The following THBS4 variants were observed in gnomAD, a reference collection of about 807,000 sequenced individuals.
THBS4 encodes the protein thrombospondin-4.
Under a neutral mutation model 115.7 loss-of-function variants are expected in THBS4, and 90 were observed. The observed-to-expected ratio is 0.78, with a 90% CI of 0.66 to 0.93. The LOEUF (loss-of-function observed/expected upper bound fraction) is 0.93, where lower values mean the gene tolerates loss of function less well. Among genes scored for constraint, THBS4 ranks in the 40% least tolerant of loss-of-function variants. THBS4 has a pLI of 0.00. For synonymous variants in THBS4, 460 were observed against 479.3 expected (o/e 0.96, Z 0.53); for missense variants, 1,087 against 1,232.7 (o/e 0.88, Z 1.77).
intron 2 of THBS4, among the ~76,000 whole-genome samples, chr5:80,026,880 AT>A (rs1301532103): frequency 1.3e-5 from 2 of 152,036 alleles, no homozygotes; most frequent in Admixed American, 6.5e-5. Context: ...TAAGACTTTA[AT>A]TTTTTTCCCC....
At position 80,080,073 on chromosome 5, in the gene THBS4, A is replaced by C. The variant is rs776949685; in HGVS notation, c.2680A>C (p.Ile894Leu). ...FLQHRPQVGY[I>L]RVRFYEGSEL... ...ACAGCACAGGCCCCAGGTGGGCTAC[A>C]TCAGGTAGGTAGAGGCCCCATCTCC... The change falls in exon 20 of 22, where the codon ATC becomes CTC. Residue 894 changes from isoleucine (I) to leucine (L), a missense_variant. Ile to Leu is a conservative substitution (Grantham distance 5, BLOSUM62 2). Around this residue, in one of 3 missense-constraint regions of THBS4, gnomAD observed 103 missense variants for 108.2 expected, o/e 0.95. Transcript: ENST00000350881. The C allele has an allele frequency of 4.3e-6, 7 of 1,613,622 alleles. No homozygotes were observed. Among genetic ancestry groups the C allele is most frequent in the Non-Finnish European group, 5.9e-6 (7 of 1,179,784 alleles).
At chr5:80,026,270 C>T (rs1002058667) in intron 2 of THBS4, among the ~76,000 whole-genome samples, 12 of 152,058 alleles carry the variant, frequency 7.9e-5, no homozygotes, top group African/African-American at 1.9e-4. Context: ...TTTTCGTTTG[C>T]GGTACTAGGA....
intron 19 of THBS4, 71 bp from the exon 20 acceptor site, chr5:80,079,834 C>T: frequency 6.1e-6 from 9 of 1,483,296 alleles, no homozygotes; most frequent in Non-Finnish European, 8.4e-6. Context: ...TGGATCATCA[C>T]TTCAGATCCA....
rs146453124 is a variant in THBS4, at chr5:80,068,085, C to T, written c.1307C>T (p.Ala436Val). ...NPELNPCSVNAQCIEERQGDV... is the reference protein window; with the variant it reads ...NPELNPCSVNVQCIEERQGDV... ...GAGCTGAACCCTTGCAGTGTGAATG[C>T]CCAGTGCATTGAAGAGAGGCAGGGG... Residue 436 changes from alanine to valine, a missense_variant, in exon 10 of 22, where the codon GCC becomes GTC. Transcript: ENST00000350881. 5.0e-6 allele frequency: 8 copies of T among 1,614,040 alleles called. No homozygotes were observed. The highest frequency in any genetic ancestry group is 4.4e-5 in the South Asian group (4 of 91,086).
chr5:80,012,325 G>A (rs1316673567), intron 2 of THBS4, among the ~76,000 whole-genome samples: 2 of 152,090 alleles, frequency 1.3e-5, no homozygotes, highest in Non-Finnish European at 2.9e-5. Context: ...TAGCCTGTGA[G>A]GAAACTTGGT....
Position 80,082,393 on chromosome 5 carries a change from G to T in THBS4, c.2685-13G>T. Reference sequence around the variant, plus strand: ...GGATTTCATGGAGGCCCCTCCGGCCGTGTTGTCCGCAGGGTACGATTTTAT... The same window carrying T: ...GGATTTCATGGAGGCCCCTCCGGCCTTGTTGTCCGCAGGGTACGATTTTAT... On this transcript the variant is annotated splice_polypyrimidine_tract_variant and intron_variant, in intron 20 of 21. Coordinates refer to ENST00000350881, the MANE Select transcript of THBS4 (RefSeq NM_003248.6). 1 of 1,612,842 alleles carries T rather than the reference G, an allele frequency of 6.2e-7. No individual in the cohort carries two copies. Among genetic ancestry groups the T allele is most frequent in the Non-Finnish European group, 8.5e-7 (1 of 1,179,166 alleles).
intron 9 of THBS4, chr5:80,067,545 A>G (rs1343869771): frequency 6.5e-6 from 1 of 153,232 alleles, no homozygotes; most frequent in Non-Finnish European, 1.5e-5. Context: ...TTCCTTTGTC[A>G]TTCCATTGTA....
rs1317687598 is a variant in THBS4, at chr5:80,076,861, A to C, written c.1899A>C (p.Gly633=). 6.3e-7 allele frequency: 1 copy of C among 1,581,644 alleles called. No individual in the cohort carries two copies. Among genetic ancestry groups the C allele is most frequent in the Non-Finnish European group, 8.6e-7 (1 of 1,162,854 alleles). The stretch of plus-strand genomic sequence containing the variant: ...CCTGTCCTTTCTCCTGCAGTGATGG[A>C]GATGGGCACCAGGACAGCACAGACA... ...DSCDTNQDSD[G]DGHQDSTDNC... is the part of the protein sequence containing the mutation. The change falls in exon 16 of 22, where the codon GGA becomes GGC. Residue 633 remains glycine (G), a synonymous_variant. Coordinates refer to ENST00000350881, the MANE Select transcript of THBS4 (RefSeq NM_003248.6).
At chr5:80,078,491 C>A (rs1320039264) in intron 17 of THBS4, among the ~76,000 whole-genome samples, 1 of 152,186 alleles carries the variant, frequency 6.6e-6, no homozygotes, top group Non-Finnish European at 1.5e-5. Flanking sequence ...AATTGGGACC[C>A]AGGCAGTCTG....
intron 2 of THBS4, among the ~76,000 whole-genome samples, chr5:80,029,240 C>T (rs918906849): frequency 1.3e-5 from 2 of 152,146 alleles, no homozygotes; most frequent in African/African-American, 2.4e-5. Flanking sequence ...ATCATATTTT[C>T]TTAGCAAATA....
chr5:80,072,254 C>A, intron 13 of THBS4, 24 bp from the exon 14 acceptor site: 1 of 1,603,994 alleles, frequency 6.2e-7, no homozygotes, highest in South Asian at 1.1e-5. Context: ...TCCCCTGACT[C>A]AAGGTAGCAT....
chr5:80,074,242 T>A (rs1743074972), intron 15 of THBS4: 1 of 152,254 alleles, frequency 6.6e-6, no homozygotes, highest in African/African-American at 2.4e-5. Flanking sequence ...GAAATTTTTT[T>A]AATTCAGTTT....
intron 20 of THBS4, among the ~76,000 whole-genome samples, chr5:80,081,844 G>A (rs1451168625): frequency 6.6e-6 from 1 of 152,122 alleles, no homozygotes; most frequent in Non-Finnish European, 1.5e-5. Flanking sequence ...GGCATTGCTC[G>A]CCATCCAGCA....
rs758548190 is a variant in THBS4, at chr5:80,072,319, C to T, written c.1762C>T (p.Arg588Cys). ...GGACAACTGCCCAAAATTTCCCAAT[C>T]GTGACCAACGGGACAAGGATGGTGA... The part of the protein sequence containing the change: ...ILDNCPKFPN[R>C]DQRDKDGDGV... Residue 588 changes from arginine (R) to cysteine (C), a missense_variant, in exon 14 of 22, where the codon CGT becomes TGT. Physicochemically the swap from Arg to Cys is radical, Grantham distance 180. Around this residue, in one of 3 missense-constraint regions of THBS4, gnomAD observed 979 missense variants for 1,103.7 expected, o/e 0.89. Transcript: ENST00000350881. 3.8e-5 allele frequency: 61 copies of T among 1,614,030 alleles called. No homozygotes were observed. The highest frequency in any genetic ancestry group is 4.9e-5 in the Non-Finnish European group (58 of 1,180,014).
At chr5:80,014,593 A>G (rs754370521) in intron 2 of THBS4, among the ~76,000 whole-genome samples, 18 of 152,298 alleles carry the variant, frequency 1.2e-4, no homozygotes, top group Non-Finnish European at 1.9e-4. Flanking sequence ...AGAGGGAGAA[A>G]GTGTCTGATA....
At chr5:80,008,933 GAAGA>G (rs1434276974) in intron 2 of THBS4, among the ~76,000 whole-genome samples, 1 of 152,182 alleles carries the variant, frequency 6.6e-6, no homozygotes, top group Non-Finnish European at 1.5e-5. Context: ...TCCTGATCTT[GAAGA>G]AAGAAGAGGA....
intron 20 of THBS4, 125 bp from the exon 21 acceptor site, chr5:80,082,281 T>TG (rs1743549324): frequency 2.3e-6 from 3 of 1,323,200 alleles, no homozygotes; most frequent in Non-Finnish European, 3.1e-6. Flanking sequence ...CAGCGAAAAA[T>TG]GGAGCCTAAA....
At position 80,083,251 on chromosome 5, in the gene THBS4, A is replaced by G; in HGVS notation, c.*110A>G. 2 of 939,488 alleles carry G rather than the reference A, an allele frequency of 2.1e-6. No individual in the cohort carries two copies. Among genetic ancestry groups the G allele is most frequent in the South Asian group, 2.8e-5 (2 of 72,154 alleles). The allele number at this position is 939,488 out of a possible 1,614,324, so 58.2% of individuals were successfully genotyped here. A position where few individuals can be genotyped will look rare whatever the true frequency, so the allele number is the denominator to read the frequency against. ...CAAATATATCAAAACGTTTTATGTGAATGTGGCAATAAAGGAGAAGAGATC... is the reference window on the plus strand; with the variant it reads ...CAAATATATCAAAACGTTTTATGTGGATGTGGCAATAAAGGAGAAGAGATC... On this transcript the variant is annotated 3_prime_UTR_variant, in exon 22 of 22. Transcript: ENST00000350881.
At chr5:80,078,754 T>G (rs1419114980) in intron 17 of THBS4, 167 bp from the exon 18 acceptor site, 2 of 574,922 alleles carry the variant, frequency 3.5e-6, no homozygotes, top group Non-Finnish European at 2.9e-6. Flanking sequence ...GCACATGCTT[T>G]CTTTGAGCAC....
Sources: allele counts gnomAD v4.1 joint callset (sites outside exome capture counted in the v4.1 genomes callset), GRCh38; gene constraint gnomAD v4.1.1; regional missense constraint gnomAD v4.1.1; transcripts MANE v1.5; gene names NCBI Gene and HGNC (gene_info 2026-07-23, HGNC 2026-07-21).